The following MBNL1 variants were observed in gnomAD, a reference collection of about 807,000 sequenced individuals.
MBNL1 encodes the protein muscleblind-like protein 1.
A neutral mutation model predicts 42.2 loss-of-function variants in MBNL1; 8 were observed. The observed-to-expected ratio is 0.19, with a 90% CI of 0.11 to 0.34. MBNL1 has a LOEUF of 0.34. Ranked by LOEUF, MBNL1 falls within the 10% of genes least tolerant of loss-of-function variation. The probability of loss-of-function intolerance (pLI) is 1.00; values close to 1 mark genes in which losing one functional copy is unlikely to be tolerated. For synonymous variants in MBNL1, 169 were observed against 173.9 expected (o/e 0.97, Z 0.22); for missense variants, 309 against 495.3 (o/e 0.62, Z 3.57).
intron 2 of MBNL1, among the ~76,000 whole-genome samples, chr3:152,310,359 G>A (rs1158463559): frequency 3.3e-5 from 5 of 152,142 alleles, no homozygotes; most frequent in African/African-American, 1.2e-4. Flanking sequence ...ACCCTTACGA[G>A]GTTACACAGT....
At chr3:152,382,131 T>A (rs1036828218) in intron 2 of MBNL1, among the ~76,000 whole-genome samples, 2 of 151,996 alleles carry the variant, frequency 1.3e-5, no homozygotes, top group African/African-American at 4.8e-5. Context: ...TAAGCAAATA[T>A]AAGTATGAAA....
intron 2 of MBNL1, among the ~76,000 whole-genome samples, chr3:152,326,403 T>C (rs1560156397): frequency 6.6e-6 from 1 of 152,222 alleles, no homozygotes. Flanking sequence ...CTTTTAATGA[T>C]GCTGCAATCT....
intron 3 of MBNL1, among the ~76,000 whole-genome samples, chr3:152,423,518 G>C (rs1191541235): frequency 6.6e-6 from 1 of 152,174 alleles, no homozygotes; most frequent in African/African-American, 2.4e-5. Flanking sequence ...AGAGGAGCTG[G>C]TACCATTCTT....
At chr3:152,354,425 A>G (rs923246069) in intron 2 of MBNL1, among the ~76,000 whole-genome samples, 5 of 152,206 alleles carry the variant, frequency 3.3e-5, no homozygotes, top group African/African-American at 9.6e-5. Context: ...ATGGCCCTCC[A>G]GCCTGGGTAA....
intron 2 of MBNL1, among the ~76,000 whole-genome samples, chr3:152,254,273 T>C (rs1373321158): frequency 6.6e-6 from 1 of 152,166 alleles, no homozygotes; most frequent in Non-Finnish European, 1.5e-5. Flanking sequence ...TCTTTTTTTC[T>C]GTGCTGGCAA....
rs772830986 is a variant in MBNL1 at position 152,432,673 on chromosome 3, G to A, written c.346-44G>A. The stretch of plus-strand genomic sequence containing the variant: ...GTATAATTAAGAATATCAACTTTGA[G>A]CTGAGACCTGCATGTTAAATTTTGC... On this transcript the variant is annotated intron_variant, in intron 3 of 9. Transcript: ENST00000324210. 9.1e-6 allele frequency: 14 copies of A among 1,540,690 alleles called. No homozygotes were observed. In the East Asian group the frequency reaches 2.7e-4, roughly 30 times the overall value.
chr3:152,244,305 G>C (rs1344062141), intron 1 of MBNL1: 1 of 152,110 alleles, frequency 6.6e-6, no homozygotes, highest in Non-Finnish European at 1.5e-5. Context: ...TCTTTTGGTG[G>C]ACTATCCTTT....
At chr3:152,356,381 T>A (rs2095519937) in intron 2 of MBNL1, among the ~76,000 whole-genome samples, 1 of 152,202 alleles carries the variant, frequency 6.6e-6, no homozygotes, top group Non-Finnish European at 1.5e-5. Context: ...TCGACCAGAA[T>A]CTGCTTCTTA....
rs1256022678 is a variant in MBNL1 at position 152,332,739 on chromosome 3, T to TGTGTGTGC, written c.174+32373_174+32374insTGTGTGCG. The stretch of plus-strand genomic sequence containing the variant: ...GTGTGTGTGTGTGTGTGTGTGTGTG[T>TGTGTGTGC]GCGCGCGCGCATGCGCACACACTAG... On this transcript the variant is annotated intron_variant, in intron 2 of 9. Transcript: ENST00000324210. 1.4e-3 allele frequency among the ~76,000 whole-genome samples: 158 copies of TGTGTGTGC among 115,684 alleles called. 2 individuals carry two copies. The highest frequency in any genetic ancestry group is 3.3e-3 in the Admixed American group (41 of 12,540). The allele number at this position is 115,684 out of a possible 152,430, so 75.9% of individuals were successfully genotyped here.
intron 2 of MBNL1, among the ~76,000 whole-genome samples, chr3:152,329,851 T>A (rs1451316901): frequency 6.6e-6 from 1 of 151,238 alleles, no homozygotes; most frequent in African/African-American, 2.4e-5. Flanking sequence ...TGCTATTGGT[T>A]TGAAATAATT....
At chr3:152,343,947 G>A (rs1264424205) in intron 2 of MBNL1, among the ~76,000 whole-genome samples, 1 of 151,982 alleles carries the variant, frequency 6.6e-6, no homozygotes, top group Non-Finnish European at 1.5e-5. Flanking sequence ...TTATAAATAA[G>A]TTATTAAATA....
At chr3:152,250,883 G>A (rs1344174600) in intron 2 of MBNL1, among the ~76,000 whole-genome samples, 1 of 151,976 alleles carries the variant, frequency 6.6e-6, no homozygotes, top group Non-Finnish European at 1.5e-5. Context: ...ATAATCATGT[G>A]GTTTTTGTCT....
chr3:152,332,504 A>G, intron 2 of MBNL1, among the ~76,000 whole-genome samples: 1 of 152,202 alleles, frequency 6.6e-6, no homozygotes, highest in East Asian at 1.9e-4. Flanking sequence ...TTTTGATTAT[A>G]AAAATAATTG....
At chr3:152,391,060 C>T (rs1277851637) in intron 2 of MBNL1, among the ~76,000 whole-genome samples, 1 of 152,162 alleles carries the variant, frequency 6.6e-6, no homozygotes, top group Non-Finnish European at 1.5e-5. Flanking sequence ...CTTATATAAC[C>T]TTATCAGGGA....
chr3:152,439,490 T>C (rs1269533240), intron 4 of MBNL1, among the ~76,000 whole-genome samples: 1 of 152,212 alleles, frequency 6.6e-6, no homozygotes, highest in East Asian at 1.9e-4. Flanking sequence ...TGTGTGACTT[T>C]TTTTACTATC....
intron 1 of MBNL1, among the ~76,000 whole-genome samples, chr3:152,298,374 G>C (rs2059496049): frequency 6.6e-6 from 1 of 152,210 alleles, no homozygotes; most frequent in African/African-American, 2.4e-5. Context: ...TTGTGGTGCT[G>C]AGTTAACTGA....
intron 2 of MBNL1, among the ~76,000 whole-genome samples, chr3:152,382,447 A>G (rs2097217228): frequency 6.6e-6 from 1 of 152,094 alleles, no homozygotes; most frequent in African/African-American, 2.4e-5. Flanking sequence ...AAAAATAGAT[A>G]ATGGAAGCAG....
chr3:152,330,050 T>C (rs1242256387), intron 2 of MBNL1, among the ~76,000 whole-genome samples: 2 of 152,140 alleles, frequency 1.3e-5, no homozygotes, highest in Admixed American at 6.6e-5. Flanking sequence ...TATGTGTGTT[T>C]ATTGGTAGTC....
At chr3:152,459,908 G>A (rs1057287668) in intron 9 of MBNL1, among the ~76,000 whole-genome samples, 3 of 111,324 alleles carry the variant, frequency 2.7e-5, no homozygotes, top group Non-Finnish European at 6.4e-5. Flanking sequence ...ACCTTAAATG[G>A]GACCATGTAC....
Sources: gnomAD v4.1 joint callset for allele counts (sites outside exome capture counted in the v4.1 genomes callset) on GRCh38, gnomAD v4.1.1 for gene constraint, MANE v1.5 for transcripts, NCBI Gene and HGNC (gene_info 2026-07-23, HGNC 2026-07-21) for gene names.